Variants in TSHZ1 observed in about 807,000 individuals in gnomAD.
TSHZ1 encodes the protein teashirt zinc finger homeobox 1.
A neutral mutation model predicts 67.1 loss-of-function variants in TSHZ1; 12 were observed. The observed-to-expected ratio is 0.18, with a 90% CI of 0.11 to 0.29. The LOEUF (loss-of-function observed/expected upper bound fraction) is 0.29, where lower values mean the gene tolerates loss of function less well. Ranked by LOEUF, TSHZ1 falls within the 10% of genes least tolerant of loss-of-function variation. TSHZ1 has a pLI of 1.00. For synonymous variants in TSHZ1, 632 were observed against 622.4 expected (o/e 1.02, Z -0.23); for missense variants, 1,305 against 1,413.9 (o/e 0.92, Z 1.23).
In TSHZ1 at chr18:75,228,302, G is replaced by A. The variant is rs181670461; in HGVS notation, c.40+16386G>A. ...GCCCAGGCAAAAATGCTGAGAAGGC[G>A]TGAATGGTGCAACAGACTCTGGCCA... On this transcript the variant is annotated intron_variant, in intron 1 of 1. Coordinates refer to ENST00000580243, the MANE Select transcript of TSHZ1 (RefSeq NM_001308210.2). Among the ~76,000 whole-genome samples the A allele has an allele frequency of 3.8e-3, 583 of 152,352 alleles. 5 individuals carry two copies. The highest frequency in any genetic ancestry group is 0.013 in the African/African-American group (552 of 41,582).
intron 1 of TSHZ1, among the ~76,000 whole-genome samples, chr18:75,276,580 C>T (rs1324080103): frequency 3.9e-5 from 6 of 152,178 alleles, no homozygotes; most frequent in African/African-American, 1.4e-4. Context: ...AAGTCTGTTT[C>T]GTAAGATTCT....
intron 1 of TSHZ1, among the ~76,000 whole-genome samples, chr18:75,227,265 T>C (rs2022938712): frequency 6.6e-6 from 1 of 152,090 alleles, no homozygotes; most frequent in Admixed American, 6.5e-5. Flanking sequence ...TAATAAGTGT[T>C]TTACTCCAGG....
In TSHZ1 at chr18:75,285,994, G is replaced by C. The variant is rs771885466; in HGVS notation, c.587G>C (p.Gly196Ala). The C allele has an allele frequency of 6.2e-7, 1 of 1,604,660 alleles. No individual in the cohort carries two copies. Among genetic ancestry groups the C allele is most frequent in the South Asian group, 1.1e-5 (1 of 89,760 alleles). ...ACCACCAGTACCAGCAGCAGCTCCG[G>C]GTACGACTGGCACCAGGCTGCACTG... Reference protein sequence around the residue: ...SSTTSTSSSSGYDWHQAALAK... With the variant: ...SSTTSTSSSSAYDWHQAALAK... The change falls in exon 2 of 2, where the codon GGG becomes GCG. Residue 196 changes from glycine to alanine, a missense_variant. Gly to Ala is a moderately conservative substitution (Grantham distance 60, BLOSUM62 0). Around this residue, in one of 3 missense-constraint regions of TSHZ1, gnomAD observed 358 missense variants for 375.6 expected, o/e 0.95. Coordinates refer to ENST00000580243, the MANE Select transcript of TSHZ1 (RefSeq NM_001308210.2).
intron 1 of TSHZ1, among the ~76,000 whole-genome samples, chr18:75,246,199 C>T (rs558774731): frequency 6.6e-6 from 1 of 152,314 alleles, no homozygotes; most frequent in South Asian, 2.1e-4. Context: ...AGACCAGCTC[C>T]AGTTCTTTGG....
At chr18:75,234,763 A>G (rs1228218662) in intron 1 of TSHZ1, among the ~76,000 whole-genome samples, 5 of 152,224 alleles carry the variant, frequency 3.3e-5, no homozygotes, top group East Asian at 3.8e-4. Flanking sequence ...ACATATTTCT[A>G]TAAACTTAGT....
chr18:75,225,192 C>T (rs189334818), intron 1 of TSHZ1, among the ~76,000 whole-genome samples: 41 of 152,252 alleles, frequency 2.7e-4, no homozygotes, highest in Admixed American at 4.6e-4. Flanking sequence ...TGGGTGTGGA[C>T]GTGCATGGTG....
chr18:75,223,651 T>C (rs888282256), intron 1 of TSHZ1, among the ~76,000 whole-genome samples: 1 of 149,858 alleles, frequency 6.7e-6, no homozygotes, highest in Non-Finnish European at 1.5e-5. Flanking sequence ...TGTCCCCCAC[T>C]CCCTACCCCG....
At chr18:75,260,121 C>T (rs1047425518) in intron 1 of TSHZ1, among the ~76,000 whole-genome samples, 11 of 152,242 alleles carry the variant, frequency 7.2e-5, no homozygotes, top group African/African-American at 2.2e-4. Context: ...AACGAATGCA[C>T]GAATGAGGGC....
chr18:75,241,837 C>T (rs1568357768), intron 1 of TSHZ1, among the ~76,000 whole-genome samples: 1 of 151,160 alleles, frequency 6.6e-6, no homozygotes. Flanking sequence ...TCCTGGCAGT[C>T]CTGGGTGTCC....
chr18:75,216,844 T>G (rs1165337819), intron 1 of TSHZ1, among the ~76,000 whole-genome samples: 1 of 152,072 alleles, frequency 6.6e-6, no homozygotes, highest in Non-Finnish European at 1.5e-5. Flanking sequence ...AGGATGGTAT[T>G]GGCTTGGGGA....
intron 1 of TSHZ1, among the ~76,000 whole-genome samples, chr18:75,265,262 C>T (rs910189570): frequency 9.2e-5 from 14 of 152,258 alleles, no homozygotes; most frequent in African/African-American, 2.4e-4. Context: ...TCCTTTGGCT[C>T]GTCATGTATG....
At chr18:75,214,405 A>G (rs2022740006) in intron 1 of TSHZ1, among the ~76,000 whole-genome samples, 1 of 152,350 alleles carries the variant, frequency 6.6e-6, no homozygotes, top group Non-Finnish European at 1.5e-5. Flanking sequence ...TAAAGTAGCC[A>G]CAATGCATTG....
At position 75,281,952 on chromosome 18, in the gene TSHZ1, T is replaced by C. The variant is rs913866458; in HGVS notation, c.41-3496T>C. Among the ~76,000 whole-genome samples the C allele has an allele frequency of 6.6e-6, 1 of 152,120 alleles. No individual in the cohort carries two copies. Among genetic ancestry groups the C allele is most frequent in the Non-Finnish European group, 1.5e-5 (1 of 68,012 alleles). On this transcript the variant is annotated intron_variant, in intron 1 of 1. Transcript: ENST00000580243. This position sits in a 1 kb window ranked among gnomAD's most constrained non-coding sequence, Gnocchi z 5.3. The stretch of plus-strand genomic sequence containing the variant: ...CTGCCTGATCACCCTGCTTTGCTTC[T>C]TCCCTGGGACATGAGTCCCCGTCCC...
At chr18:75,285,361 C>CT in intron 1 of TSHZ1, 87 bp from the exon 2 acceptor site, 1 of 1,395,038 alleles carries the variant, frequency 7.2e-7, no homozygotes, top group Non-Finnish European at 9.3e-7. Context: ...TGACAAATAT[C>CT]TTTTTAAAGA....
At chr18:75,249,127 G>A (rs938489913) in intron 1 of TSHZ1, among the ~76,000 whole-genome samples, 1 of 152,146 alleles carries the variant, frequency 6.6e-6, no homozygotes, top group Non-Finnish European at 1.5e-5. Flanking sequence ...CTGGGCTCCA[G>A]GCCGTGGCTG....
intron 1 of TSHZ1, among the ~76,000 whole-genome samples, chr18:75,261,608 C>T (rs1029829657): frequency 6.6e-6 from 1 of 152,204 alleles, no homozygotes; most frequent in Non-Finnish European, 1.5e-5. Context: ...TGGCTTTCTT[C>T]AAGGCTTCTG....
intron 1 of TSHZ1, among the ~76,000 whole-genome samples, chr18:75,225,535 C>T (rs1208187586): frequency 6.6e-6 from 1 of 152,218 alleles, no homozygotes; most frequent in African/African-American, 2.4e-5. Context: ...AAGTCCCCCA[C>T]AGCCTCAGCA....
chr18:75,230,765 G>A (rs2022988030), intron 1 of TSHZ1, among the ~76,000 whole-genome samples: 1 of 152,126 alleles, frequency 6.6e-6, no homozygotes, highest in African/African-American at 2.4e-5. Flanking sequence ...GAAGTGGTGC[G>A]AACCCTTCCT....
At chr18:75,251,505 T>TTTTTTTATTTTTTTTTTTTTTTTTTTTA (rs2023304196) in intron 1 of TSHZ1, among the ~76,000 whole-genome samples, 1 of 151,604 alleles carries the variant, frequency 6.6e-6, no homozygotes. Context: ...TTTTTTTTTT[T>TTTTTTTATTTTTTTTTTTTTTTTTTTTA]TTTGACATTG....
Sources: allele counts gnomAD v4.1 joint callset (sites outside exome capture counted in the v4.1 genomes callset), GRCh38; gene constraint gnomAD v4.1.1; regional missense constraint gnomAD v4.1.1; non-coding constraint Gnocchi (gnomAD v3.1); transcripts MANE v1.5; gene names NCBI Gene and HGNC (gene_info 2026-07-23, HGNC 2026-07-21).